The following TRPC4AP variants were observed in gnomAD, a reference collection of about 807,000 sequenced individuals.
TRPC4AP encodes the protein short transient receptor potential channel 4-associated protein.
Under a neutral mutation model 99.0 loss-of-function variants are expected in TRPC4AP, and 45 were observed. That is an observed-to-expected ratio of 0.45 (90% confidence interval 0.36 to 0.58). TRPC4AP has a LOEUF of 0.58. Among genes scored for constraint, TRPC4AP ranks in the 20% least tolerant of loss-of-function variants. TRPC4AP has a pLI of 0.00. For synonymous variants in TRPC4AP, 408 were observed against 385.8 expected (o/e 1.06, Z -0.67); for missense variants, 879 against 985.3 (o/e 0.89, Z 1.44).
Position 35,002,943 on chromosome 20 carries a change from G to A in TRPC4AP, c.*203C>T. ...GGGCATGGTACCCTGTCCTCATTAT[G>A]GGGACTGAGGCTCTCCATGACCTAG... On this transcript the variant is annotated 3_prime_UTR_variant, in exon 19 of 19. Coordinates refer to ENST00000252015, the MANE Select transcript of TRPC4AP (RefSeq NM_015638.3). The A allele has an allele frequency of 6.3e-6, 4 of 633,372 alleles. No homozygotes were observed. Among genetic ancestry groups the A allele is most frequent in the Admixed American group, 6.1e-5 (2 of 32,642 alleles). The allele number at this position is 633,372 out of a possible 1,614,324, so 39.2% of individuals were successfully genotyped here. A position where few individuals can be genotyped will look rare whatever the true frequency, so the allele number is the denominator to read the frequency against.
chr20:35,021,980 A>G (rs1363584083), intron 8 of TRPC4AP, among the ~76,000 whole-genome samples: 2 of 152,172 alleles, frequency 1.3e-5, no homozygotes, highest in South Asian at 2.1e-4. Context: ...CAGCTAAGTG[A>G]TATTTATGGG....
chr20:35,027,282 C>T (rs1054196885), intron 8 of TRPC4AP, among the ~76,000 whole-genome samples: 3 of 152,148 alleles, frequency 2.0e-5, no homozygotes, highest in African/African-American at 7.2e-5. Context: ...TTGTCAAATG[C>T]TTTTTTGCTC....
chr20:35,029,722 G>C (rs1279308507), intron 8 of TRPC4AP, among the ~76,000 whole-genome samples: 1 of 128,886 alleles, frequency 7.8e-6, no homozygotes, highest in Non-Finnish European at 1.6e-5. Context: ...TGCAAGCTCC[G>C]CCTCCTGGGT....
intron 2 of TRPC4AP, among the ~76,000 whole-genome samples, chr20:35,071,947 T>C (rs139403823): frequency 0.082 from 12,477 of 152,268 alleles, 594 homozygotes; most frequent in South Asian, 0.13. Context: ...CCAGCACCTG[T>C]TGTTTCCTGA....
intron 12 of TRPC4AP, among the ~76,000 whole-genome samples, 172 bp from the exon 13 acceptor site, chr20:35,008,919 A>T (rs1202643520): frequency 1.3e-5 from 2 of 152,206 alleles, no homozygotes; most frequent in African/African-American, 4.8e-5. Flanking sequence ...CAGCCACAGA[A>T]TTAAACTGCC....
intron 8 of TRPC4AP, chr20:35,030,548 T>C (rs2083164401): frequency 6.6e-6 from 1 of 152,212 alleles, no homozygotes; most frequent in Admixed American, 6.5e-5. Flanking sequence ...TAAATAATTT[T>C]ATGTTAGAGA....
At chr20:35,044,211 C>T (rs937506540) in intron 7 of TRPC4AP, among the ~76,000 whole-genome samples, 5 of 151,460 alleles carry the variant, frequency 3.3e-5, no homozygotes, top group South Asian at 4.2e-4. Context: ...GGCAACATGG[C>T]GAAACCCCAT....
At chr20:35,009,807 A>G (rs2082592609) in intron 12 of TRPC4AP, among the ~76,000 whole-genome samples, 1 of 152,248 alleles carries the variant, frequency 6.6e-6, no homozygotes, top group African/African-American at 2.4e-5. Context: ...GGCAGCAGGT[A>G]AGAGGCTTCT....
At chr20:35,006,108 C>T (rs539387103) in intron 15 of TRPC4AP, among the ~76,000 whole-genome samples, 15 of 152,308 alleles carry the variant, frequency 9.8e-5, no homozygotes, top group Admixed American at 8.5e-4. Context: ...CTGTCACACA[C>T]ACTCGGTGAG....
chr20:35,010,705 A>C (rs1043690805), intron 11 of TRPC4AP, among the ~76,000 whole-genome samples: 2 of 152,134 alleles, frequency 1.3e-5, no homozygotes, highest in African/African-American at 2.4e-5. Context: ...TAACTGTGAC[A>C]CTTCCCCCGA....
intron 7 of TRPC4AP, among the ~76,000 whole-genome samples, chr20:35,035,942 C>A (rs866365469): frequency 4.3e-4 from 65 of 152,248 alleles, no homozygotes; most frequent in African/African-American, 1.5e-3. Context: ...TGTGGCTGTT[C>A]CTAAGCAGGA....
intron 8 of TRPC4AP, chr20:35,030,168 G>A (rs1186927948): frequency 2.0e-5 from 3 of 149,268 alleles, no homozygotes; most frequent in East Asian, 4.0e-4. Flanking sequence ...TTGAACCCAG[G>A]AGGCGGAGGT....
intron 8 of TRPC4AP, among the ~76,000 whole-genome samples, chr20:35,029,878 C>T (rs1423678770): frequency 1.4e-5 from 2 of 146,712 alleles, no homozygotes; most frequent in Admixed American, 1.3e-4. Flanking sequence ...CCTCGTGATC[C>T]GCCCACCTCA....
rs1206626629 is a variant in TRPC4AP at position 35,084,851 on chromosome 20, T to C, written c.169-6677A>G. On this transcript the variant is annotated intron_variant, in intron 1 of 18. Transcript: ENST00000252015. ...TGTTTTTAACACTACAAAAAAATTA[T>C]ATAAAACAAATATAATTGTACAATA... Among the ~76,000 whole-genome samples, 4 of 151,880 alleles carry C rather than the reference T, an allele frequency of 2.6e-5. No homozygotes were observed. The East Asian group carries it at 7.7e-4, about 29-fold the overall frequency.
chr20:35,056,759 C>A lies in TRPC4AP; in HGVS notation c.472+755G>T, dbSNP rs539685377. Among the ~76,000 whole-genome samples the A allele has an allele frequency of 3.3e-5, 5 of 151,700 alleles. No individual in the cohort carries two copies. In the South Asian group the frequency reaches 1.0e-3, roughly 32 times the overall value. On this transcript the variant is annotated intron_variant, in intron 4 of 18. Coordinates refer to ENST00000252015, the MANE Select transcript of TRPC4AP (RefSeq NM_015638.3). ...ACTTGGGAGGCTGAGGTGGGCAGAT[C>A]ACTTGAGGTCAGGAGTTCGAGACCA...
chr20:35,080,013 T>TA (rs71196785), intron 1 of TRPC4AP, among the ~76,000 whole-genome samples: 57,818 of 94,014 alleles, frequency 0.61, 16,863 homozygotes, highest in East Asian at 0.71. Flanking sequence ...CAGAGCAAGA[T>TA]AAAAAAAAAA....
intron 3 of TRPC4AP, among the ~76,000 whole-genome samples, chr20:35,064,171 C>A (rs569774364): frequency 1.3e-5 from 2 of 152,140 alleles, no homozygotes; most frequent in African/African-American, 4.8e-5. Context: ...TCCCTATATA[C>A]GTATGTATTT....
chr20:35,034,665 G>A (rs1210267361), intron 8 of TRPC4AP, among the ~76,000 whole-genome samples: 1 of 152,152 alleles, frequency 6.6e-6, no homozygotes. Flanking sequence ...AACCAAAGAT[G>A]GGCCAGAGTT....
intron 2 of TRPC4AP, among the ~76,000 whole-genome samples, chr20:35,072,541 C>A (rs1263081243): frequency 6.6e-6 from 1 of 152,184 alleles, no homozygotes; most frequent in Non-Finnish European, 1.5e-5. Flanking sequence ...AATAGGGAAT[C>A]CTTTCCCCAT....
Sources: gnomAD v4.1 joint callset for allele counts (sites outside exome capture counted in the v4.1 genomes callset) on GRCh38, gnomAD v4.1.1 for gene constraint, MANE v1.5 for transcripts, NCBI Gene and HGNC (gene_info 2026-07-23, HGNC 2026-07-21) for gene names.